ILRUN: variants seen among roughly 807,000 people sequenced by gnomAD.
ILRUN encodes the protein protein ILRUN.
ILRUN carries 3 observed loss-of-function variants against 33.8 expected under a neutral mutation model. The ratio of observed to expected loss-of-function variants is 0.09; its 90% CI spans 0.04 to 0.23. ILRUN has a LOEUF of 0.23. Among genes scored for constraint, ILRUN ranks in the 10% least tolerant of loss-of-function variants. The pLI is 1.00. For synonymous variants in ILRUN, 124 were observed against 138.9 expected, an observed-to-expected ratio of 0.89 and a Z score of 0.75; for missense variants, 210 against 375.1, an observed-to-expected ratio of 0.56 and a Z score of 3.64.
At chr6:34,692,841 A>T (rs1020923901) in intron 1 of ILRUN, among the ~76,000 whole-genome samples, 4 of 152,154 alleles carry the variant, frequency 2.6e-5, no homozygotes, top group African/African-American at 7.2e-5. Flanking sequence ...AGACGTGCCA[A>T]CCTTGAATCT....
intron 1 of ILRUN, among the ~76,000 whole-genome samples, chr6:34,671,201 G>T (rs1278082188): frequency 1.3e-5 from 2 of 152,026 alleles, no homozygotes; most frequent in African/African-American, 4.8e-5. Context: ...AAGCCCAGGA[G>T]TTCAAGACCA....
intron 3 of ILRUN, among the ~76,000 whole-genome samples, chr6:34,625,113 C>A (rs1762091991): frequency 6.6e-6 from 1 of 152,218 alleles, no homozygotes; most frequent in East Asian, 1.9e-4. Flanking sequence ...AATTCACTGA[C>A]AGAAGTCGGA....
At chr6:34,673,392 G>C (rs1211214881) in intron 1 of ILRUN, among the ~76,000 whole-genome samples, 1 of 151,854 alleles carries the variant, frequency 6.6e-6, no homozygotes, top group Non-Finnish European at 1.5e-5. Flanking sequence ...CTACTACTGA[G>C]AATAAATTTT....
At chr6:34,696,328 G>A in intron 1 of ILRUN, 118 bp downstream of exon 1, 1 of 1,087,100 alleles carries the variant, frequency 9.2e-7, no homozygotes, top group Non-Finnish European at 1.3e-6. Flanking sequence ...CCCGTCCCGG[G>A]AAGGGGTGGC....
Position 34,614,443 on chromosome 6 carries a change from A to AAAAAATATAT in ILRUN, c.512-7540_512-7539insATATATTTTT, listed in dbSNP as rs71000073. ...TCTCAAAAAATAATAAAAAAAAAAA[A>AAAAAATATAT]ATATATATATATAAAATGTATATTA... On this transcript the variant is annotated intron_variant, in intron 3 of 4. Coordinates refer to ENST00000374023, the MANE Select transcript of ILRUN (RefSeq NM_024294.4). Among the ~76,000 whole-genome samples the AAAAAATATAT allele has an allele frequency of 6.0e-3, 799 of 133,532 alleles. 8 individuals carry two copies. The highest frequency in any genetic ancestry group is 0.022 in the Middle Eastern group (6 of 268). 87.6% of individuals were successfully genotyped at this position (133,532 alleles called of 152,430 possible).
chr6:34,592,508 C>T lies in ILRUN; in HGVS notation c.862-1908G>A, dbSNP rs1444991655. On this transcript the variant is annotated intron_variant, in intron 4 of 4. Coordinates refer to ENST00000374023, the MANE Select transcript of ILRUN (RefSeq NM_024294.4). The surrounding 1 kb of genome is among the most constrained non-coding windows in gnomAD (Gnocchi z 4.0). The stretch of plus-strand genomic sequence containing the variant: ...GGCTCTCAGATTCCATTTTGCAAGT[C>T]CTGGTAGGGGGGGTCCCATACATCA... 2.6e-5 allele frequency among the ~76,000 whole-genome samples: 4 copies of T among 152,192 alleles called. No individual in the cohort carries two copies. Among genetic ancestry groups the T allele is most frequent in the Non-Finnish European group, 2.9e-5 (2 of 68,042 alleles).
intron 3 of ILRUN, among the ~76,000 whole-genome samples, chr6:34,630,081 G>A (rs1038974434): frequency 2.6e-5 from 4 of 152,070 alleles, no homozygotes; most frequent in Non-Finnish European, 5.9e-5. Context: ...TAAAATAGGG[G>A]TTACTTCGAC....
chr6:34,601,297 T>C (rs1299969788), intron 4 of ILRUN, among the ~76,000 whole-genome samples: 2 of 152,252 alleles, frequency 1.3e-5, no homozygotes, highest in Non-Finnish European at 2.9e-5. Context: ...TGTTCTTTCA[T>C]TGGCATGAGA....
chr6:34,637,497 G>A (rs891698168), intron 3 of ILRUN, among the ~76,000 whole-genome samples: 4 of 152,100 alleles, frequency 2.6e-5, no homozygotes, highest in Non-Finnish European at 5.9e-5. Context: ...TGGCTACCAT[G>A]AGTAAAAAAA....
In ILRUN at chr6:34,587,322, A is replaced by G. The variant is rs1761212362; in HGVS notation, c.*3243T>C. On this transcript the variant is annotated 3_prime_UTR_variant, in exon 5 of 5. Coordinates refer to ENST00000374023, the MANE Select transcript of ILRUN (RefSeq NM_024294.4). ...TGTGTGTGTTAATTTAATCATACAA[A>G]TATTCATTTATACAATAAGGAAAAA... 1 of 152,604 alleles carries G rather than the reference A, an allele frequency of 6.6e-6. No homozygotes were observed. The highest frequency in any genetic ancestry group is 2.4e-5 in the African/African-American group (1 of 41,432). 9.5% of individuals were successfully genotyped at this position (152,604 alleles called of 1,614,324 possible). A position where few individuals can be genotyped will look rare whatever the true frequency, so the allele number is the denominator to read the frequency against.
chr6:34,626,484 A>G (rs577668912), intron 3 of ILRUN, among the ~76,000 whole-genome samples: 1 of 152,202 alleles, frequency 6.6e-6, no homozygotes, highest in Admixed American at 6.5e-5. Flanking sequence ...ATCGTATTTT[A>G]TTTTTTTATA....
At chr6:34,603,657 A>C (rs1481532408) in intron 4 of ILRUN, among the ~76,000 whole-genome samples, 1 of 152,114 alleles carries the variant, frequency 6.6e-6, no homozygotes, top group Non-Finnish European at 1.5e-5. Context: ...ATACACACAA[A>C]CACAAAACCC....
At chr6:34,598,719 T>C (rs1387989237) in intron 4 of ILRUN, among the ~76,000 whole-genome samples, 3 of 152,232 alleles carry the variant, frequency 2.0e-5, no homozygotes, top group Admixed American at 1.3e-4. Context: ...ATACTTTTTA[T>C]TCTCAGTCAG....
intron 1 of ILRUN, among the ~76,000 whole-genome samples, chr6:34,677,947 C>CAAA (rs200840957): frequency 0.02 from 1,455 of 73,536 alleles, 26 homozygotes; most frequent in African/African-American, 0.048. Context: ...ATCCTGCCTC[C>CAAA]AAAAAAAAAA....
chr6:34,665,485 T>C (rs1473269248), intron 1 of ILRUN, among the ~76,000 whole-genome samples: 1 of 151,946 alleles, frequency 6.6e-6, no homozygotes, highest in Non-Finnish European at 1.5e-5. Flanking sequence ...GGGGTCTCAT[T>C]ATGTTGCCCA....
chr6:34,651,449 A>G lies in ILRUN; in HGVS notation c.313+3176T>C, dbSNP rs1762666354. ...TCTGATTTGACAGTCTAACTACTAC[A>G]TACCAACCTCCCAAAGCTCCCCATT... On this transcript the variant is annotated intron_variant, in intron 2 of 4. Coordinates refer to ENST00000374023, the MANE Select transcript of ILRUN (RefSeq NM_024294.4). Among the ~76,000 whole-genome samples the G allele has an allele frequency of 2.6e-5, 4 of 152,130 alleles. No individual in the cohort carries two copies. In the South Asian group the frequency reaches 8.3e-4, roughly 32 times the overall value.
At chr6:34,695,432 C>T (rs1400095843) in intron 1 of ILRUN, among the ~76,000 whole-genome samples, 2 of 152,210 alleles carry the variant, frequency 1.3e-5, no homozygotes, top group East Asian at 3.8e-4. Context: ...ATTCAGAGTA[C>T]AAGGGGAAGC....
intron 4 of ILRUN, among the ~76,000 whole-genome samples, chr6:34,601,604 A>G (rs1273612721): frequency 6.6e-6 from 1 of 152,032 alleles, no homozygotes; most frequent in African/African-American, 2.4e-5. Flanking sequence ...ATTATGTTAA[A>G]CTTTTTGGCC....
At chr6:34,621,343 G>A (rs1370321874) in intron 3 of ILRUN, among the ~76,000 whole-genome samples, 2 of 152,144 alleles carry the variant, frequency 1.3e-5, no homozygotes, top group Admixed American at 1.3e-4. Flanking sequence ...AATAAAAGTA[G>A]AAGGAATCGC....
Sources: allele counts gnomAD v4.1 joint callset (sites outside exome capture counted in the v4.1 genomes callset), GRCh38; gene constraint gnomAD v4.1.1; non-coding constraint Gnocchi (gnomAD v3.1); transcripts MANE v1.5; gene names NCBI Gene and HGNC (gene_info 2026-07-23, HGNC 2026-07-21).